The following FREM1 variants were observed in gnomAD, a reference collection of about 807,000 sequenced individuals.
FREM1 encodes the protein FRAS1-related extracellular matrix protein 1.
In FREM1, 220 loss-of-function variants were observed where a neutral mutation model predicts 210.1. That is an observed-to-expected ratio of 1.05 (90% confidence interval 0.94 to 1.17). FREM1 has a LOEUF of 1.17. Ranked by LOEUF, FREM1 falls within the 50% of genes most tolerant of loss-of-function variation. The probability of loss-of-function intolerance (pLI) is 0.00; values close to 1 mark genes in which losing one functional copy is unlikely to be tolerated. For synonymous variants in FREM1, 1,189 were observed against 980.2 expected, an observed-to-expected ratio of 1.21 and a Z score of -3.98; for missense variants, 3,454 against 2,675.5, an observed-to-expected ratio of 1.29 and a Z score of -6.42.
chr9:14,860,984 CATATATACATAT>C (rs1451082721), intron 3 of FREM1, among the ~76,000 whole-genome samples: 1 of 117,674 alleles, frequency 8.5e-6, no homozygotes, highest in Non-Finnish European at 1.5e-5. Flanking sequence ...CATATATACA[CATATATACATAT>C]ATATACACAT....
At chr9:14,893,788 GT>G (rs1041298551) in intron 1 of FREM1, among the ~76,000 whole-genome samples, 4 of 151,064 alleles carry the variant, frequency 2.6e-5, no homozygotes, top group Admixed American at 1.3e-4. Flanking sequence ...AGGTTAAAGG[GT>G]TGTTTTAAGT....
chr9:14,884,258 A>AT (rs1835372642), intron 1 of FREM1, among the ~76,000 whole-genome samples: 2 of 152,090 alleles, frequency 1.3e-5, no homozygotes. Flanking sequence ...AAGAAAAAAA[A>AT]CAAGAAACAA....
chr9:14,821,686 G>C lies in FREM1; in HGVS notation c.2337+1474C>G, dbSNP rs929255915. Among the ~76,000 whole-genome samples the C allele has an allele frequency of 7.2e-5, 11 of 152,322 alleles. No individual in the cohort carries two copies. The East Asian group carries it at 1.3e-3, about 19-fold the overall frequency. ...GCAGGTTTTCTACCAAAGATGGCAA[G>C]TCCACAGGTGTGGGAGGTCAGGCCA... On this transcript the variant is annotated intron_variant, in intron 13 of 36. Transcript: ENST00000380880.
chr9:14,824,159 A>C (rs1821890939), intron 11 of FREM1, 44 bp from the exon 12 acceptor site: 1 of 1,255,324 alleles, frequency 8.0e-7, no homozygotes, highest in Non-Finnish European at 1.1e-6. Context: ...TTTTTAGGTA[A>C]GAAAAATGAA....
rs572477870 is a variant in FREM1, at chr9:14,806,620, T to A, written c.3274+41A>T. On this transcript the variant is annotated intron_variant, in intron 18 of 36. Transcript: ENST00000380880. The stretch of plus-strand genomic sequence containing the variant: ...ACCTGGCCAATCGCTTCCATAAATA[T>A]AAGGAAGGGAGTCATTGCTGGTGAC... 55 of 1,165,364 alleles carry A rather than the reference T, an allele frequency of 4.7e-5. No homozygotes were observed. In the African/African-American group the frequency reaches 6.7e-4, roughly 14 times the overall value. 72.2% of individuals were successfully genotyped at this position (1,165,364 alleles called of 1,614,324 possible).
intron 2 of FREM1, among the ~76,000 whole-genome samples, chr9:14,866,197 T>C (rs1831481807): frequency 6.6e-6 from 1 of 152,212 alleles, no homozygotes; most frequent in Non-Finnish European, 1.5e-5. Flanking sequence ...ACTGTCTTTC[T>C]AGTAACTGGA....
intron 6 of FREM1, among the ~76,000 whole-genome samples, chr9:14,850,010 G>C (rs192525512): frequency 1.1e-4 from 17 of 152,298 alleles, no homozygotes; most frequent in Admixed American, 5.2e-4. Context: ...GTCTTCCCTT[G>C]AGGCTACATG....
rs1563802099 is a variant in FREM1, at chr9:14,739,470, AT to A, written c.6340+678del. 2.7e-3 allele frequency among the ~76,000 whole-genome samples: 357 copies of A among 133,192 alleles called. 3 individuals are homozygous for A. The highest frequency in any genetic ancestry group is 9.3e-3 in the African/African-American group (317 of 34,130). The allele number at this position is 133,192 out of a possible 152,430, so 87.4% of individuals were successfully genotyped here. ...TTGGAATATATATATATATATATAT[AT>A]ATATAATTCATATATATATATTCAT... On this transcript the variant is annotated intron_variant, in intron 36 of 36. Coordinates refer to ENST00000380880, the MANE Select transcript of FREM1 (RefSeq NM_001379081.2).
At chr9:14,771,672 G>A (rs1465740010) in intron 25 of FREM1, among the ~76,000 whole-genome samples, 1 of 152,068 alleles carries the variant, frequency 6.6e-6, no homozygotes, top group Non-Finnish European at 1.5e-5. Context: ...TAATCTCTCG[G>A]TTCTTAATTT....
chr9:14,790,036 A>C (rs894461482), intron 22 of FREM1, among the ~76,000 whole-genome samples: 1 of 152,178 alleles, frequency 6.6e-6, no homozygotes, highest in Admixed American at 6.5e-5. Context: ...AGAGTCTAAA[A>C]CAGAAATGTA....
Position 14,792,723 on chromosome 9 carries a change from A to T in FREM1, c.3981+20T>A. 1.9e-6 allele frequency: 3 copies of T among 1,561,118 alleles called. No homozygotes were observed. Among genetic ancestry groups the T allele is most frequent in the Non-Finnish European group, 2.6e-6 (3 of 1,156,236 alleles). On this transcript the variant is annotated intron_variant, in intron 22 of 36. Transcript: ENST00000380880. ...ACCTGCTACGTTAGTTTTGAAAAAT[A>T]AAAGTAAGAAGTCACTAACCTTAAG...
intron 16 of FREM1, among the ~76,000 whole-genome samples, chr9:14,810,132 G>A (rs1047778859): frequency 6.6e-6 from 1 of 152,002 alleles, no homozygotes; most frequent in African/African-American, 2.4e-5. Flanking sequence ...GGATGAGTAA[G>A]AGTTTGCCAA....
intron 7 of FREM1, among the ~76,000 whole-genome samples, chr9:14,847,733 C>A (rs147382072): frequency 6.6e-6 from 1 of 152,132 alleles, no homozygotes; most frequent in African/African-American, 2.4e-5. Context: ...ATGTTCAAAG[C>A]AGCCAAAATG....
chr9:14,869,315 T>C (rs1832133545), intron 1 of FREM1, 71 bp from the exon 2 acceptor site: 1 of 223,606 alleles, frequency 4.5e-6, no homozygotes, highest in South Asian at 1.4e-4. Context: ...ATTCAAAAGA[T>C]CGCTACCAAC....
At chr9:14,761,590 A>T (rs1845507093) in intron 27 of FREM1, among the ~76,000 whole-genome samples, 1 of 152,232 alleles carries the variant, frequency 6.6e-6, no homozygotes. Flanking sequence ...GGTTTCAGTT[A>T]CTTGTGGTCA....
chr9:14,755,406 TCAGTATG>T (rs1416273315), intron 29 of FREM1, among the ~76,000 whole-genome samples: 1 of 152,214 alleles, frequency 6.6e-6, no homozygotes, highest in Non-Finnish European at 1.5e-5. Flanking sequence ...AGGAGTGTTC[TCAGTATG>T]CAGAACATCT....
Position 14,824,798 on chromosome 9 carries a change from G to T in FREM1, c.2076C>A (p.His692Gln). 6.2e-7 allele frequency: 1 copy of T among 1,608,436 alleles called. No individual in the cohort carries two copies. Among genetic ancestry groups the T allele is most frequent in the East Asian group, 2.2e-5 (1 of 44,794 alleles). ...CCAAATGGTGACTTTTCAGATACCT[G>T]TGGCTGAAGGAGAAAAATGGAGGAG... ...ITTPPFFSFS[H>Q]RHLDAGKLFM... Residue 692 changes from histidine (H) to glutamine (Q), a missense_variant and splice_region_variant, in exon 11 of 37, where the codon CAC becomes CAA. Physicochemically the swap from His to Gln is conservative, Grantham distance 24 (BLOSUM62 0). Coordinates refer to ENST00000380880, the MANE Select transcript of FREM1 (RefSeq NM_001379081.2).
chr9:14,885,075 C>T (rs1835556423), intron 1 of FREM1, among the ~76,000 whole-genome samples: 1 of 147,748 alleles, frequency 6.8e-6, no homozygotes, highest in Admixed American at 6.7e-5. Context: ...CAGCTGCCCG[C>T]CACCGCGCCC....
At chr9:14,896,662 C>G (rs11793384) in intron 1 of FREM1, among the ~76,000 whole-genome samples, 1 of 151,712 alleles carries the variant, frequency 6.6e-6, no homozygotes, top group Non-Finnish European at 1.5e-5. Flanking sequence ...GTCTATGGAG[C>G]AGCCATTCTT....
Sources: allele counts gnomAD v4.1 joint callset (sites outside exome capture counted in the v4.1 genomes callset), GRCh38; gene constraint gnomAD v4.1.1; transcripts MANE v1.5; gene names NCBI Gene and HGNC (gene_info 2026-07-23, HGNC 2026-07-21).